Variants in SORCS1 observed in about 807,000 individuals in gnomAD.
SORCS1 encodes the protein sortilin related VPS10 domain containing receptor 1, also known as VPS10 domain-containing receptor SorCS1.
SORCS1 carries 60 observed loss-of-function variants against 146.1 expected under a neutral mutation model. The ratio of observed to expected loss-of-function variants is 0.41; its 90% CI spans 0.33 to 0.51. The LOEUF is 0.51. Among genes scored for constraint, SORCS1 ranks in the 20% least tolerant of loss-of-function variants. SORCS1 has a pLI of 0.21. For synonymous variants in SORCS1, 637 were observed against 584.0 expected (o/e 1.09, Z -1.31); for missense variants, 1,352 against 1,487.6 (o/e 0.91, Z 1.50).
intron 3 of SORCS1, among the ~76,000 whole-genome samples, chr10:106,808,383 T>C (rs1219924326): frequency 6.6e-6 from 1 of 152,236 alleles, no homozygotes; most frequent in African/African-American, 2.4e-5. Context: ...TGTGACCTCC[T>C]GGCCCTCACT....
intron 3 of SORCS1, among the ~76,000 whole-genome samples, chr10:106,817,997 T>C (rs1186806293): frequency 6.6e-6 from 1 of 152,236 alleles, no homozygotes; most frequent in African/African-American, 2.4e-5. Flanking sequence ...TACCTTATAT[T>C]ATTTAATTGC....
chr10:106,729,443 CT>C (rs34045437), intron 6 of SORCS1, among the ~76,000 whole-genome samples: 64,963 of 144,966 alleles, frequency 0.45, 14,085 homozygotes, highest in African/African-American at 0.5. Context: ...CTCTCTCTCT[CT>C]TTTTTTTTTT....
At chr10:106,768,479 A>C (rs940989819) in intron 4 of SORCS1, among the ~76,000 whole-genome samples, 4 of 152,210 alleles carry the variant, frequency 2.6e-5, no homozygotes, top group Non-Finnish European at 4.4e-5. Flanking sequence ...CTTTATCTCA[A>C]TCTTGCCCTT....
At chr10:106,963,110 A>ATTTTTTTTTTTTTTTTTTTTGT (rs1955324790) in intron 1 of SORCS1, among the ~76,000 whole-genome samples, 1 of 76,296 alleles carries the variant, frequency 1.3e-5, no homozygotes, top group African/African-American at 4.6e-5. Context: ...AATGGCCAGA[A>ATTTTTTTTTTTTTTTTTTTTGT]TTTTTTTTTT....
At chr10:106,985,425 C>G (rs1016541100) in intron 1 of SORCS1, among the ~76,000 whole-genome samples, 3 of 151,930 alleles carry the variant, frequency 2.0e-5, no homozygotes, top group Non-Finnish European at 2.9e-5. Flanking sequence ...TAAAGGCACT[C>G]TAAATGCCTT....
intron 1 of SORCS1, among the ~76,000 whole-genome samples, chr10:106,985,512 T>C (rs1488681268): frequency 6.6e-6 from 1 of 151,780 alleles, no homozygotes; most frequent in Non-Finnish European, 1.5e-5. Flanking sequence ...ACGTGAAGTC[T>C]ATTCATGTAC....
chr10:106,925,596 C>T (rs1952974969), intron 2 of SORCS1, among the ~76,000 whole-genome samples: 1 of 152,222 alleles, frequency 6.6e-6, no homozygotes, highest in Non-Finnish European at 1.5e-5. Context: ...GTTCCCTCCA[C>T]TTAACAAAGG....
At chr10:106,644,682 G>A (rs1849293584) in intron 18 of SORCS1, among the ~76,000 whole-genome samples, 1 of 152,082 alleles carries the variant, frequency 6.6e-6, no homozygotes, top group Non-Finnish European at 1.5e-5. Context: ...ATTATTAACA[G>A]CTTTGACTAT....
intron 3 of SORCS1, among the ~76,000 whole-genome samples, chr10:106,824,972 T>C (rs1483883171): frequency 2.6e-5 from 4 of 152,322 alleles, no homozygotes; most frequent in African/African-American, 7.2e-5. Context: ...TTTTCTTTGC[T>C]AGATAGTGTG....
intron 1 of SORCS1, among the ~76,000 whole-genome samples, chr10:106,970,471 TG>T (rs1283282709): frequency 5.3e-5 from 8 of 150,974 alleles, no homozygotes; most frequent in African/African-American, 2.0e-4. Flanking sequence ...CCAGAGTAGC[TG>T]GGATTACAGA....
At chr10:106,750,728 CAAAAAAAAAAAAAA>C (rs572295853) in intron 5 of SORCS1, among the ~76,000 whole-genome samples, 237 of 24,034 alleles carry the variant, frequency 9.9e-3, no homozygotes, top group Non-Finnish European at 0.015. Flanking sequence ...GACTCCCTCT[CAAAAAAAAAAAAAA>C]AAAAAAAAAA....
chr10:106,868,869 GA>G (rs2137546799), intron 2 of SORCS1, among the ~76,000 whole-genome samples: 1 of 152,154 alleles, frequency 6.6e-6, no homozygotes, highest in Admixed American at 6.5e-5. Context: ...ATCACGACAT[GA>G]AAAACTATTC....
At chr10:106,801,685 A>G (rs1021739627) in intron 3 of SORCS1, among the ~76,000 whole-genome samples, 3 of 151,832 alleles carry the variant, frequency 2.0e-5, no homozygotes, top group South Asian at 2.1e-4. Flanking sequence ...GCCCGCCACC[A>G]CGCCCGGCTA....
intron 1 of SORCS1, among the ~76,000 whole-genome samples, chr10:107,089,506 C>G (rs1250556541): frequency 6.6e-6 from 1 of 152,176 alleles, no homozygotes; most frequent in African/African-American, 2.4e-5. Context: ...TTAATATCAT[C>G]TAATAGATAC....
chr10:106,895,271 T>G (rs1352547630), intron 2 of SORCS1, among the ~76,000 whole-genome samples: 1 of 152,164 alleles, frequency 6.6e-6, no homozygotes, highest in Non-Finnish European at 1.5e-5. Flanking sequence ...CCTCATTAAT[T>G]CTATGCATGA....
intron 1 of SORCS1, among the ~76,000 whole-genome samples, chr10:106,962,412 A>AAAAC (rs1955273924): frequency 6.7e-6 from 1 of 149,958 alleles, no homozygotes; most frequent in South Asian, 2.1e-4. Context: ...AAAAAAAAAA[A>AAAAC]AAAGAAAGAA....
At chr10:106,850,026 C>T (rs1406942528) in intron 2 of SORCS1, among the ~76,000 whole-genome samples, 1 of 152,186 alleles carries the variant, frequency 6.6e-6, no homozygotes, top group Non-Finnish European at 1.5e-5. Context: ...GCAGAGTTTA[C>T]TGCTGTCTTT....
chr10:107,014,459 T>C (rs1402153040), intron 1 of SORCS1, among the ~76,000 whole-genome samples: 1 of 152,166 alleles, frequency 6.6e-6, no homozygotes, highest in African/African-American at 2.4e-5. Context: ...GTCAAAAGTT[T>C]GCAAAGTTTT....
intron 2 of SORCS1, among the ~76,000 whole-genome samples, chr10:106,874,688 T>C (rs1382119746): frequency 6.6e-6 from 1 of 152,238 alleles, no homozygotes; most frequent in Non-Finnish European, 1.5e-5. Context: ...GGCTGTGCAC[T>C]GGAAACAGAA....
Sources: allele counts gnomAD v4.1 joint callset (sites outside exome capture counted in the v4.1 genomes callset), GRCh38; gene constraint gnomAD v4.1.1; transcripts MANE v1.5; gene names NCBI Gene and HGNC (gene_info 2026-07-23, HGNC 2026-07-21).